Variants in CFAP20DC observed in about 807,000 individuals in gnomAD.
CFAP20DC encodes CFAP20 domain containing.
A neutral mutation model predicts 101.7 loss-of-function variants in CFAP20DC; 84 were observed. The observed-to-expected ratio is 0.83, with a 90% CI of 0.69 to 0.99. CFAP20DC has a LOEUF of 0.99. CFAP20DC is among the 50% of genes least tolerant of loss of function. The probability of loss-of-function intolerance (pLI) is 0.00; values close to 1 mark genes in which losing one functional copy is unlikely to be tolerated. For synonymous variants in CFAP20DC, 359 were observed against 351.2 expected (o/e 1.02, Z -0.25); for missense variants, 1,007 against 970.3 (o/e 1.04, Z -0.50).
intron 15 of CFAP20DC, among the ~76,000 whole-genome samples, chr3:58,775,957 C>T (rs941627370): frequency 6.6e-6 from 1 of 152,052 alleles, no homozygotes; most frequent in Non-Finnish European, 1.5e-5. Context: ...GTTGGTCAGG[C>T]TCTTGGACTC....
chr3:58,736,993 C>T (rs895993974), intron 3 of CFAP20DC, among the ~76,000 whole-genome samples: 1 of 152,096 alleles, frequency 6.6e-6, no homozygotes, highest in Non-Finnish European at 1.5e-5. Flanking sequence ...AGATGTAAGA[C>T]TCCAATATTC....
chr3:59,029,555 G>A (rs1435851283), intron 4 of CFAP20DC, among the ~76,000 whole-genome samples: 1 of 152,096 alleles, frequency 6.6e-6, no homozygotes, highest in East Asian at 1.9e-4. Flanking sequence ...AAAGAAGCAG[G>A]TTGGCAGCCA....
intron 1 of CFAP20DC, among the ~76,000 whole-genome samples, chr3:59,047,619 A>T (rs1487609665): frequency 6.6e-6 from 1 of 152,224 alleles, no homozygotes; most frequent in East Asian, 1.9e-4. Context: ...AAGGGTTTAA[A>T]CGCAATTCTT....
At chr3:58,740,719 A>G (rs72881605), downstream of CFAP20DC, among the ~76,000 whole-genome samples, 7,059 of 151,794 alleles carry the variant, frequency 0.047, 539 homozygotes, top group African/African-American at 0.16. The surrounding 1 kb of genome is among the most constrained non-coding windows in gnomAD (Gnocchi z 4.6). Flanking sequence ...GTTGTTTTTG[A>G]TATTTATAAC....
chr3:58,885,052 T>A (rs146179941), intron 6 of CFAP20DC, among the ~76,000 whole-genome samples: 1 of 152,184 alleles, frequency 6.6e-6, no homozygotes, highest in Non-Finnish European at 1.5e-5. Context: ...CCATTTAAGA[T>A]TTCTGGGAGT....
rs148942378 is a variant in CFAP20DC at position 59,007,849 on chromosome 3, C to G, written c.278+31708G>C. ...CCTATCAAGGAAAAACCCTGTGGGACAAAAAACTCTGAACAGCAGGACTTG... is the reference window on the plus strand; with the variant it reads ...CCTATCAAGGAAAAACCCTGTGGGAGAAAAAACTCTGAACAGCAGGACTTG... On this transcript the variant is annotated intron_variant, in intron 4 of 16. Transcript: ENST00000482387. The surrounding 1 kb of genome is among the most constrained non-coding windows in gnomAD (Gnocchi z 4.4). 5.1e-4 allele frequency among the ~76,000 whole-genome samples: 78 copies of G among 152,266 alleles called. 1 individual carries two copies. The highest frequency in any genetic ancestry group is 1.8e-3 in the African/African-American group (76 of 41,558).
At chr3:58,816,991 C>T (rs915011549) in intron 14 of CFAP20DC, among the ~76,000 whole-genome samples, 4 of 152,160 alleles carry the variant, frequency 2.6e-5, no homozygotes, top group African/African-American at 4.8e-5. Context: ...CCCTGACCCC[C>T]GAGCAGCCTA....
intron 4 of CFAP20DC, among the ~76,000 whole-genome samples, chr3:59,004,018 C>T (rs1034263625): frequency 6.6e-6 from 1 of 152,134 alleles, no homozygotes; most frequent in Non-Finnish European, 1.5e-5. Flanking sequence ...TCATAAATGT[C>T]TTGATATAGT....
intron 4 of CFAP20DC, among the ~76,000 whole-genome samples, chr3:58,976,322 T>C (rs1178072432): frequency 6.6e-6 from 1 of 152,170 alleles, no homozygotes; most frequent in Non-Finnish European, 1.5e-5. Flanking sequence ...GATCAAGGAA[T>C]ACTGGATGGC....
At chr3:58,997,049 A>G (rs570363985) in intron 4 of CFAP20DC, among the ~76,000 whole-genome samples, 22 of 152,316 alleles carry the variant, frequency 1.4e-4, no homozygotes, top group African/African-American at 5.3e-4. Context: ...TTTTCACCCA[A>G]AAAACTCCTG....
chr3:59,045,408 T>C (rs1699771652), intron 3 of CFAP20DC, among the ~76,000 whole-genome samples: 1 of 152,140 alleles, frequency 6.6e-6, no homozygotes, highest in Non-Finnish European at 1.5e-5. Context: ...TTATATTTGC[T>C]AAATCACCTG....
Position 59,049,644 on chromosome 3 carries a change from C to G in CFAP20DC, c.-13G>C, listed in dbSNP as rs1414908129. The G allele has an allele frequency of 5.9e-6, 9 of 1,536,056 alleles. No homozygotes were observed. Among genetic ancestry groups the G allele is most frequent in the Non-Finnish European group, 3.5e-6 (4 of 1,146,862 alleles). On this transcript the variant is annotated 5_prime_UTR_variant, in exon 1 of 17. Coordinates refer to ENST00000482387, the MANE Select transcript of CFAP20DC (RefSeq NM_001394063.1). ...CATTTTTGAACATTCCCGCAGGGGGCCCAGGGCTTGGGGGGCACAGAGTTC... is the reference window on the plus strand; with the variant it reads ...CATTTTTGAACATTCCCGCAGGGGGGCCAGGGCTTGGGGGGCACAGAGTTC...
At chr3:59,046,414 A>C in intron 2 of CFAP20DC, 92 bp from the exon 3 acceptor site, 1 of 791,192 alleles carries the variant, frequency 1.3e-6, no homozygotes, top group Non-Finnish European at 2.0e-6. Flanking sequence ...GGGAAAAAAA[A>C]ATCCCATATT....
intron 4 of CFAP20DC, among the ~76,000 whole-genome samples, chr3:58,970,117 T>G (rs2091862861): frequency 6.6e-6 from 1 of 152,124 alleles, no homozygotes; most frequent in South Asian, 2.1e-4. Flanking sequence ...ATAGATAAAA[T>G]GAGAACTACT....
chr3:58,924,828 T>G (rs1413625477), intron 5 of CFAP20DC, among the ~76,000 whole-genome samples: 2 of 152,240 alleles, frequency 1.3e-5, no homozygotes, highest in Admixed American at 6.5e-5. Context: ...TGACGATTAT[T>G]GATGTGGAGG....
chr3:58,963,837 A>T (rs954412273), intron 4 of CFAP20DC, among the ~76,000 whole-genome samples: 1 of 152,218 alleles, frequency 6.6e-6, no homozygotes, highest in African/African-American at 2.4e-5. Context: ...CTGAGTTTAC[A>T]GCCATGACAG....
chr3:58,763,751 G>T (rs190425261), intron 15 of CFAP20DC, among the ~76,000 whole-genome samples: 3 of 152,120 alleles, frequency 2.0e-5, no homozygotes, highest in Non-Finnish European at 4.4e-5. Flanking sequence ...AGTTTTCCTT[G>T]TAACAGTCAG....
chr3:59,013,991 T>C (rs578240512), intron 4 of CFAP20DC, among the ~76,000 whole-genome samples: 1 of 152,318 alleles, frequency 6.6e-6, no homozygotes, highest in South Asian at 2.1e-4. Context: ...AATACTGAAT[T>C]CACTGTCTTC....
chr3:58,999,883 C>G (rs970899929), intron 4 of CFAP20DC, among the ~76,000 whole-genome samples: 2 of 146,748 alleles, frequency 1.4e-5, no homozygotes, highest in African/African-American at 5.0e-5. Flanking sequence ...TGACAGAGCA[C>G]GGGAAGGCCA....
Sources: gnomAD v4.1 joint callset for allele counts (sites outside exome capture counted in the v4.1 genomes callset) on GRCh38, gnomAD v4.1.1 for gene constraint, Gnocchi (gnomAD v3.1) non-coding constraint, MANE v1.5 for transcripts, NCBI Gene and HGNC (gene_info 2026-07-23, HGNC 2026-07-21) for gene names.